Variants in IL19 observed in about 807,000 individuals in gnomAD.
IL19 encodes the protein interleukin-19.
A neutral mutation model predicts 19.5 loss-of-function variants in IL19; 15 were observed. That is an observed-to-expected ratio of 0.77 (90% CI 0.52 to 1.19). The LOEUF (loss-of-function observed/expected upper bound fraction) is 1.19. Among genes scored for constraint, IL19 ranks in the 50% most tolerant of loss-of-function variants. The pLI is 0.00. For synonymous variants in IL19, 78 were observed against 78.3 expected, an observed-to-expected ratio of 1.00 and a Z score of 0.02; for missense variants, 199 against 213.1, an observed-to-expected ratio of 0.93 and a Z score of 0.41.
chr1:206,832,858 A>G (rs1676654423), intron 2 of IL19, among the ~76,000 whole-genome samples: 1 of 152,168 alleles, frequency 6.6e-6, no homozygotes, highest in Admixed American at 6.5e-5. Context: ...CTGGACCACA[A>G]GACATCAAGT....
intron 2 of IL19, among the ~76,000 whole-genome samples, chr1:206,808,094 G>T (rs1675897406): frequency 6.6e-6 from 1 of 152,222 alleles, no homozygotes; most frequent in African/African-American, 2.4e-5. Context: ...ACTTTGGGAG[G>T]CTGAGGCAGG....
intron 2 of IL19, among the ~76,000 whole-genome samples, chr1:206,806,650 G>T (rs1572557930): frequency 6.6e-6 from 1 of 152,244 alleles, no homozygotes; most frequent in Non-Finnish European, 1.5e-5. Context: ...TCACAATAAG[G>T]ATAAATTAGA....
chr1:206,819,597 A>C (rs1676245404), intron 2 of IL19, among the ~76,000 whole-genome samples: 1 of 152,006 alleles, frequency 6.6e-6, no homozygotes, highest in Non-Finnish European at 1.5e-5. Flanking sequence ...AAAAAAAGGA[A>C]AACTCAGTCC....
intron 2 of IL19, among the ~76,000 whole-genome samples, chr1:206,799,816 C>T (rs1412156825): frequency 1.3e-5 from 2 of 152,186 alleles, no homozygotes; most frequent in African/African-American, 4.8e-5. Context: ...AATGGCTTGT[C>T]CTCTGTGAAG....
chr1:206,782,975 C>A (rs942050371), intron 1 of IL19, among the ~76,000 whole-genome samples: 1 of 152,208 alleles, frequency 6.6e-6, no homozygotes, highest in Non-Finnish European at 1.5e-5. Context: ...ATTTCCTAGC[C>A]CCACTGGCCA....
intron 1 of IL19, among the ~76,000 whole-genome samples, chr1:206,797,666 G>A (rs1345665939): frequency 6.6e-6 from 1 of 152,090 alleles, no homozygotes; most frequent in Non-Finnish European, 1.5e-5. Context: ...GCCTCCTCCA[G>A]ACCTACTCTT....
intron 1 of IL19, among the ~76,000 whole-genome samples, chr1:206,773,875 C>A (rs1674926770): frequency 6.6e-6 from 1 of 152,186 alleles, no homozygotes; most frequent in South Asian, 2.1e-4. Flanking sequence ...ACTCTATAGT[C>A]AGGGCAAATC....
chr1:206,780,645 G>A (rs1480018795), intron 1 of IL19, among the ~76,000 whole-genome samples: 3 of 152,162 alleles, frequency 2.0e-5, no homozygotes, highest in Non-Finnish European at 2.9e-5. Context: ...TCAAATTCAC[G>A]TGTCTTCTTT....
intron 1 of IL19, among the ~76,000 whole-genome samples, chr1:206,779,403 T>A (rs6676671): frequency 0.31 from 47,417 of 151,948 alleles, 8,118 homozygotes; most frequent in Non-Finnish European, 0.39. Context: ...CATACCAGTG[T>A]TGGCCCACTG....
At position 206,827,455 on chromosome 1, in the gene IL19, T is replaced by C. The variant is rs1042919156; in HGVS notation, c.-2-9206T>C. On this transcript the variant is annotated intron_variant, in intron 2 of 6. Transcript: ENST00000659997. ...CCTGTAATCCCAGCACTTTGGGAGGTCGAGGAGGGCGGATCACGAGGTCAG... is the reference window on the plus strand; with the variant it reads ...CCTGTAATCCCAGCACTTTGGGAGGCCGAGGAGGGCGGATCACGAGGTCAG... Among the ~76,000 whole-genome samples, 43 of 151,192 alleles carry C rather than the reference T, an allele frequency of 2.8e-4. 1 individual carries two copies. The highest frequency in any genetic ancestry group is 2.3e-3 in the East Asian group (12 of 5,122).
chr1:206,797,425 T>C (rs1435153498), intron 1 of IL19, among the ~76,000 whole-genome samples: 1 of 151,902 alleles, frequency 6.6e-6, no homozygotes, highest in Non-Finnish European at 1.5e-5. Flanking sequence ...CATTTACACA[T>C]CCCCCACCTC....
intron 2 of IL19, among the ~76,000 whole-genome samples, chr1:206,816,749 T>G (rs1409360323): frequency 6.6e-6 from 1 of 152,166 alleles, no homozygotes; most frequent in African/African-American, 2.4e-5. Context: ...ATAATCAGAC[T>G]GAATTTTTAA....
chr1:206,836,848 C>G (rs1477220676), intron 3 of IL19, 42 bp downstream of exon 3: 1 of 1,611,524 alleles, frequency 6.2e-7, no homozygotes, highest in South Asian at 1.1e-5. Context: ...ACGGAGTATC[C>G]CTCCCCTTAC....
chr1:206,811,235 T>C (rs1392250697), intron 2 of IL19, among the ~76,000 whole-genome samples: 2 of 152,028 alleles, frequency 1.3e-5, no homozygotes, highest in Non-Finnish European at 2.9e-5. Context: ...GCTACTAAAA[T>C]GTCATCTGAA....
intron 2 of IL19, among the ~76,000 whole-genome samples, chr1:206,827,697 AAAC>A (rs2102479210): frequency 3.1e-5 from 1 of 31,808 alleles, no homozygotes; most frequent in African/African-American, 8.9e-5. Context: ...TCAAAAAACA[AAAC>A]AAAACAAAAC....
chr1:206,841,597 C>T (rs1397034468), intron 6 of IL19, among the ~76,000 whole-genome samples: 1 of 152,202 alleles, frequency 6.6e-6, no homozygotes, highest in African/African-American at 2.4e-5. Context: ...CAGATTCTGG[C>T]TCAGCAGGGC....
chr1:206,781,405 ACT>A lies in IL19; in HGVS notation c.-149+10330_-149+10331del, dbSNP rs1471175901. On this transcript the variant is annotated intron_variant, in intron 1 of 6. Coordinates refer to ENST00000659997, the MANE Select transcript of IL19 (RefSeq NM_153758.5). Reference sequence around the variant, plus strand: ...GCTCCAGCCTGGGCGACAGAGCAAGACTCTGTCTCAAAAAAAAAAAAAAAAAA... The same window carrying A: ...GCTCCAGCCTGGGCGACAGAGCAAGACTGTCTCAAAAAAAAAAAAAAAAAA... Among the ~76,000 whole-genome samples, 11 of 129,922 alleles carry A rather than the reference ACT, an allele frequency of 8.5e-5. No individual in the cohort carries two copies. In the East Asian group the frequency reaches 2.0e-3, roughly 24 times the overall value. 85.2% of individuals were successfully genotyped at this position (129,922 alleles called of 152,430 possible).
At chr1:206,773,189 A>G (rs1349525907) in intron 1 of IL19, among the ~76,000 whole-genome samples, 1 of 152,154 alleles carries the variant, frequency 6.6e-6, no homozygotes, top group African/African-American at 2.4e-5. Flanking sequence ...GGGTAAGAGT[A>G]GTCTGCACTT....
intron 6 of IL19, among the ~76,000 whole-genome samples, chr1:206,841,439 C>A (rs1030221712): frequency 5.3e-5 from 8 of 152,188 alleles, no homozygotes; most frequent in Admixed American, 4.6e-4. Flanking sequence ...GCCGTCACTG[C>A]GATCACTACC....
Sources: gnomAD v4.1 joint callset for allele counts (sites outside exome capture counted in the v4.1 genomes callset) on GRCh38, gnomAD v4.1.1 for gene constraint, MANE v1.5 for transcripts, NCBI Gene and HGNC (gene_info 2026-07-23, HGNC 2026-07-21) for gene names.